The following RNASET2 variants were observed in gnomAD, a reference collection of about 807,000 sequenced individuals.
RNASET2 encodes ribonuclease 6.
RNASET2 carries 28 observed loss-of-function variants against 33.9 expected under a neutral mutation model. That is an observed-to-expected ratio of 0.83 (90% CI 0.61 to 1.13). The LOEUF (loss-of-function observed/expected upper bound fraction) is 1.13. RNASET2 is among the 50% of genes most tolerant of loss of function. The pLI, the probability that RNASET2 is intolerant of heterozygous loss-of-function variation, is 0.00. For synonymous variants in RNASET2, 123 were observed against 121.0 expected (o/e 1.02, Z -0.11); for missense variants, 330 against 319.9 (o/e 1.03, Z -0.24).
chr6:166,929,136 C>T lies in RNASET2; in HGVS notation c.*452G>A, dbSNP rs568472419. 3.8e-4 allele frequency among the ~76,000 whole-genome samples: 58 copies of T among 152,352 alleles called. No homozygotes were observed. The highest frequency in any genetic ancestry group is 1.3e-3 in the African/African-American group (56 of 41,582). On this transcript the variant is annotated 3_prime_UTR_variant, in exon 9 of 9. Coordinates refer to ENST00000508775, the MANE Select transcript of RNASET2 (RefSeq NM_003730.6). ...TCTGGTCACATGGAACAGACCCAGT[C>T]TGAGCTAGAGACACCCCCCAGGCCC...
chr6:166,944,625 G>A (rs1583227098), intron 4 of RNASET2, among the ~76,000 whole-genome samples: 1 of 152,048 alleles, frequency 6.6e-6, no homozygotes, highest in African/African-American at 2.4e-5. Context: ...CAACAAGGAA[G>A]CCAGGACTAC....
rs942677522 is a variant in RNASET2, at chr6:166,928,718, G to A, written c.*870C>T. ...ACAGCCCCCAGATGCCTCACTCCAC[G>A]AGTGAAATCCCTGCACGGCAGGCCG... is the stretch of plus-strand genomic sequence containing the variant. On this transcript the variant is annotated 3_prime_UTR_variant, in exon 9 of 9. Transcript: ENST00000508775. 3.9e-5 allele frequency among the ~76,000 whole-genome samples: 6 copies of A among 152,178 alleles called. No homozygotes were observed. The highest frequency in any genetic ancestry group is 1.2e-4 in the African/African-American group (5 of 41,438).
chr6:166,952,560 T>C lies in RNASET2; in HGVS notation c.87-12A>G, dbSNP rs367610932. The C allele has an allele frequency of 6.2e-7, 1 of 1,605,864 alleles. No homozygotes were observed. Among genetic ancestry groups the C allele is most frequent in the Non-Finnish European group, 8.5e-7 (1 of 1,172,412 alleles). On this transcript the variant is annotated splice_polypyrimidine_tract_variant and intron_variant, in intron 1 of 8. Coordinates refer to ENST00000508775, the MANE Select transcript of RNASET2 (RefSeq NM_003730.6). ...ACTCATGGTTGTCACTGTTAAAACATAAGAAACTTATTTTTCAAGAACTTT... is the reference window on the plus strand; with the variant it reads ...ACTCATGGTTGTCACTGTTAAAACACAAGAAACTTATTTTTCAAGAACTTT...
intron 8 of RNASET2, 96 bp from the exon 9 acceptor site, chr6:166,929,887 A>T (rs1778379142): frequency 1.8e-5 from 22 of 1,197,030 alleles, no homozygotes; most frequent in Non-Finnish European, 2.6e-5. Context: ...AGAAGATAAC[A>T]AAAGCAGAGG....
In RNASET2 at chr6:166,925,195, A is replaced by G. The variant is rs148567496; in HGVS notation, c.*4393T>C. 5.7e-3 allele frequency among the ~76,000 whole-genome samples: 869 copies of G among 151,342 alleles called. 5 individuals are homozygous for G. The highest frequency in any genetic ancestry group is 0.024 in the Middle Eastern group (7 of 292). On this transcript the variant is annotated 3_prime_UTR_variant, in exon 9 of 9. Coordinates refer to ENST00000508775, the MANE Select transcript of RNASET2 (RefSeq NM_003730.6). ...CGCCCAGCCCTCACTCCTGCCGCCCAGCCCTCACCTCTGCTGTCCAGGCAT... is the reference window on the plus strand; with the variant it reads ...CGCCCAGCCCTCACTCCTGCCGCCCGGCCCTCACCTCTGCTGTCCAGGCAT...
At position 166,954,110 on chromosome 6, in the gene RNASET2, C is replaced by G. The variant is rs138065589; in HGVS notation, c.87-1562G>C. 3.6e-3 allele frequency among the ~76,000 whole-genome samples: 548 copies of G among 151,592 alleles called. 4 individuals are homozygous for G. Among genetic ancestry groups the G allele is most frequent in the African/African-American group, 0.013 (528 of 41,314 alleles). On this transcript the variant is annotated intron_variant, in intron 1 of 8. Coordinates refer to ENST00000508775, the MANE Select transcript of RNASET2 (RefSeq NM_003730.6). ...GCAGAGTGATGTGACTGCAGGAGAC[C>G]CCCTCCCACACAGATGCCCCCCTCC...
At chr6:166,941,131 T>C (rs1778682166) in intron 5 of RNASET2, among the ~76,000 whole-genome samples, 1 of 152,244 alleles carries the variant, frequency 6.6e-6, no homozygotes, top group South Asian at 2.1e-4. Context: ...AATATAAATA[T>C]TAATTTGTGT....
chr6:166,943,126 CT>C (rs1778733135), intron 4 of RNASET2, 37 bp from the exon 5 acceptor site: 1 of 1,508,558 alleles, frequency 6.6e-7, no homozygotes, highest in Admixed American at 1.8e-5. Context: ...TACGCAGGTT[CT>C]TAATAATAAA....
intron 6 of RNASET2, chr6:166,938,652 G>T (rs770475002): frequency 1.4e-6 from 1 of 740,488 alleles, no homozygotes; most frequent in East Asian, 2.6e-5. Flanking sequence ...TGATGAGATG[G>T]TGCCCAGATG....
At chr6:166,931,504 G>A in intron 7 of RNASET2, 1 of 300,344 alleles carries the variant, frequency 3.3e-6, no homozygotes, top group Admixed American at 4.7e-5. Context: ...TCTCAGCCCT[G>A]TCCACTCTGA....
chr6:166,931,578 C>A (rs545199361), intron 7 of RNASET2: 1 of 194,808 alleles, frequency 5.1e-6, no homozygotes, highest in East Asian at 1.3e-4. Flanking sequence ...AAGAAAGGCC[C>A]TGGGACCCCT....
intron 3 of RNASET2, among the ~76,000 whole-genome samples, chr6:166,947,670 C>T (rs919121329): frequency 9.2e-5 from 14 of 152,212 alleles, no homozygotes; most frequent in Middle Eastern, 3.4e-3. Flanking sequence ...AAGTGAAACC[C>T]GAAGCCAAGT....
chr6:166,935,608 G>C (rs1442188000), intron 6 of RNASET2, among the ~76,000 whole-genome samples: 2 of 152,198 alleles, frequency 1.3e-5, no homozygotes, highest in African/African-American at 4.8e-5. Flanking sequence ...TTTGCTTCAA[G>C]ATGATTTGTG....
chr6:166,930,108 A>C (rs917517798), intron 8 of RNASET2, among the ~76,000 whole-genome samples: 2 of 152,258 alleles, frequency 1.3e-5, no homozygotes, highest in Non-Finnish European at 2.9e-5. Context: ...TAACAAAGTT[A>C]CACACAGATA....
chr6:166,956,453 C>A lies in RNASET2; in HGVS notation c.-271G>T, dbSNP rs948310013. 7.9e-6 allele frequency: 4 copies of A among 506,274 alleles called. No individual in the cohort carries two copies. Among genetic ancestry groups the A allele is most frequent in the Non-Finnish European group, 1.4e-5 (4 of 282,878 alleles). 31.4% of individuals were successfully genotyped at this position (506,274 alleles called of 1,614,324 possible). The stretch of plus-strand genomic sequence containing the variant: ...CTCCCCTTCAGGATCGTGCACCAAG[C>A]GCGCACGTCCCGGGCTCTGCTTCGC... On this transcript the variant is annotated 5_prime_UTR_variant, in exon 1 of 9. Transcript: ENST00000508775.
At position 166,946,969 on chromosome 6, in the gene RNASET2, A is replaced by G. The variant is rs1778862470; in HGVS notation, c.204-230T>C. ...AAGAAATTGTGTTAAACCGTCCAGG[A>G]GTAATGCAGACAGGCCACTGCTTAG... On this transcript the variant is annotated intron_variant, in intron 3 of 8. Transcript: ENST00000508775. 6.9e-6 allele frequency: 4 copies of G among 580,490 alleles called. No homozygotes were observed. The Admixed American group carries it at 1.1e-4, about 16-fold the overall frequency. 36.0% of individuals were successfully genotyped at this position (580,490 alleles called of 1,614,324 possible).
chr6:166,924,339 T>A lies in RNASET2; in HGVS notation c.*5249A>T, dbSNP rs946494854. Among the ~76,000 whole-genome samples, 2 of 152,170 alleles carry A rather than the reference T, an allele frequency of 1.3e-5. No individual in the cohort carries two copies. Among genetic ancestry groups the A allele is most frequent in the African/African-American group, 4.8e-5 (2 of 41,440 alleles). On this transcript the variant is annotated 3_prime_UTR_variant, in exon 9 of 9. Coordinates refer to ENST00000508775, the MANE Select transcript of RNASET2 (RefSeq NM_003730.6). ...TGGTCTCGAACTCCTGACCTTGGGATCCGCCTGCCTTGGCCTCCCAAAGTG... is the reference window on the plus strand; with the variant it reads ...TGGTCTCGAACTCCTGACCTTGGGAACCGCCTGCCTTGGCCTCCCAAAGTG...
At chr6:166,939,102 A>C (rs1778638740) in intron 5 of RNASET2, 94 bp from the exon 6 acceptor site, 9 of 884,346 alleles carry the variant, frequency 1.0e-5, no homozygotes, top group Non-Finnish European at 1.7e-5. Context: ...GGGAGGCTGA[A>C]GGGGGTGGAT....
At position 166,924,514 on chromosome 6, in the gene RNASET2, C is replaced by A. The variant is rs116341885; in HGVS notation, c.*5074G>T. Among the ~76,000 whole-genome samples, 1 of 152,204 alleles carries A rather than the reference C, an allele frequency of 6.6e-6. No homozygotes were observed. The stretch of plus-strand genomic sequence containing the variant: ...GCACAGAAGCGAGTTGGACAAAGTC[C>A]GGGCCTTTGTAGTGTGACGTGGCCA... On this transcript the variant is annotated 3_prime_UTR_variant, in exon 9 of 9. Transcript: ENST00000508775.
Sources: allele counts gnomAD v4.1 joint callset (sites outside exome capture counted in the v4.1 genomes callset), GRCh38; gene constraint gnomAD v4.1.1; transcripts MANE v1.5; gene names NCBI Gene and HGNC (gene_info 2026-07-23, HGNC 2026-07-21).